The following EN1 variants were observed in gnomAD, a reference collection of about 807,000 sequenced individuals.
EN1 encodes engrailed homeobox 1.
EN1 carries 8 observed loss-of-function variants against 22.9 expected under a neutral mutation model. The observed-to-expected ratio is 0.35, with a 90% CI of 0.20 to 0.63. The LOEUF is 0.63. EN1 is among the 20% of genes least tolerant of loss of function. The pLI is 0.73. For synonymous variants in EN1, 287 were observed against 262.5 expected, an observed-to-expected ratio of 1.09 and a Z score of -0.90; for missense variants, 521 against 572.1, an observed-to-expected ratio of 0.91 and a Z score of 0.91.
chr2:118,842,935 C>G lies in EN1; in HGVS notation c.*3G>C. On this transcript the variant is annotated 3_prime_UTR_variant, in exon 2 of 2. Coordinates refer to ENST00000295206, the MANE Select transcript of EN1 (RefSeq NM_001426.4). ...GCGCGGGCGCGGCCCCGGCCTGTGG[C>G]GGCTACTCGCTCTCGTCTTTGTCCT... 6.3e-7 allele frequency: 1 copy of G among 1,598,622 alleles called. No homozygotes were observed. The highest frequency in any genetic ancestry group is 8.6e-7 in the Non-Finnish European group (1 of 1,168,402).
rs1678206928 is a variant in EN1, at chr2:118,842,543, TAATTATAAC to T, written c.*386_*394del. 6.6e-6 allele frequency: 1 copy of T among 151,992 alleles called. No individual in the cohort carries two copies. The highest frequency in any genetic ancestry group is 1.5e-5 in the Non-Finnish European group (1 of 68,046). 9.4% of individuals were successfully genotyped at this position (151,992 alleles called of 1,614,324 possible). A position where few individuals can be genotyped will look rare whatever the true frequency, so the allele number is the denominator to read the frequency against. On this transcript the variant is annotated 3_prime_UTR_variant, in exon 2 of 2. Transcript: ENST00000295206. ...GATAAAATAATTATAATAATTATAA[TAATTATAAC>T]AATAATAATAAAGGAGATTAATAAA...
rs1246240825 is a variant in EN1, at chr2:118,842,365, A to T, written c.*573T>A. ...GGTGGGGGAGAAGAGGTGGGCAGACACGAAAGGAAACACACTCTCGCACAC... is the reference window on the plus strand; with the variant it reads ...GGTGGGGGAGAAGAGGTGGGCAGACTCGAAAGGAAACACACTCTCGCACAC... On this transcript the variant is annotated 3_prime_UTR_variant, in exon 2 of 2. Transcript: ENST00000295206. 1 of 152,540 alleles carries T rather than the reference A, an allele frequency of 6.6e-6. No homozygotes were observed. 9.4% of individuals were successfully genotyped at this position (152,540 alleles called of 1,614,324 possible). A position where few individuals can be genotyped will look rare whatever the true frequency, so the allele number is the denominator to read the frequency against.
chr2:118,842,908 G>C lies in EN1; in HGVS notation c.*30C>G, dbSNP rs1205095169. 6.3e-7 allele frequency: 1 copy of C among 1,582,756 alleles called. No individual in the cohort carries two copies. ...AGACGACGGCGGCGGTGCCGGGAGG[G>C]GGCGCGGGCGCGGCCCCGGCCTGTG... On this transcript the variant is annotated 3_prime_UTR_variant, in exon 2 of 2. Coordinates refer to ENST00000295206, the MANE Select transcript of EN1 (RefSeq NM_001426.4).
Position 118,846,203 on chromosome 2 carries a change from G to A in EN1, c.862+103C>T, listed in dbSNP as rs1678265204. ...GTGAGGAAGCAGGCGTGAGAGACTGGAGTACCCGAGGCCGGGTTTGCTCTC... is the reference window on the plus strand; with the variant it reads ...GTGAGGAAGCAGGCGTGAGAGACTGAAGTACCCGAGGCCGGGTTTGCTCTC... On this transcript the variant is annotated intron_variant, in intron 1 of 1. Transcript: ENST00000295206. The surrounding 1 kb of genome is among the most constrained non-coding windows in gnomAD (Gnocchi z 5.0). 3 of 1,496,754 alleles carry A rather than the reference G, an allele frequency of 2.0e-6. No individual in the cohort carries two copies. Among genetic ancestry groups the A allele is most frequent in the African/African-American group, 2.8e-5 (2 of 71,368 alleles). 92.7% of individuals were successfully genotyped at this position (1,496,754 alleles called of 1,614,324 possible).
chr2:118,846,847 G>T lies in EN1; in HGVS notation c.321C>A (p.Ile107=). The T allele has an allele frequency of 1.3e-6, 2 of 1,570,398 alleles. No individual in the cohort carries two copies. The highest frequency in any genetic ancestry group is 1.7e-4 in the Middle Eastern group (1 of 5,880). Residue 107 remains isoleucine, a synonymous_variant, in exon 1 of 2, where the codon ATC becomes ATA. Transcript: ENST00000295206. The surrounding 1 kb of genome is among the most constrained non-coding windows in gnomAD (Gnocchi z 5.0). ...CGAAGTCCGGCCTCAGGATGTTGTC[G>T]ATGAAAAAGTTGGTGGTGCGGTGCA... The part of the protein sequence containing the change: ...AQLHRTTNFF[I]DNILRPDFGC...
chr2:118,846,679 C>T lies in EN1; in HGVS notation c.489G>A (p.Ala163=), dbSNP rs79126103. The T allele has an allele frequency of 0.057, 90,260 of 1,580,222 alleles. 3,338 individuals are homozygous for T. Among genetic ancestry groups the T allele is most frequent in the Admixed American group, 0.19 (10,911 of 57,538 alleles). ...RDPVHPLGTR[A]PGAASLLCAP... is the part of the protein sequence containing the mutation. ...CGCACAGGAGCGAGGCAGCGCCTGGCGCCCGGGTGCCCAACGGGTGGACAG... is the reference window on the plus strand; with the variant it reads ...CGCACAGGAGCGAGGCAGCGCCTGGTGCCCGGGTGCCCAACGGGTGGACAG... The change falls in exon 1 of 2, where the codon GCG becomes GCA. Residue 163 remains alanine, a synonymous_variant. Coordinates refer to ENST00000295206, the MANE Select transcript of EN1 (RefSeq NM_001426.4). This position sits in a 1 kb window ranked among gnomAD's most constrained non-coding sequence, Gnocchi z 5.0.
In EN1 at chr2:118,846,909, C is replaced by G. The variant is rs893960038; in HGVS notation, c.259G>C (p.Ala87Pro). 7.7e-6 allele frequency: 11 copies of G among 1,431,830 alleles called. No homozygotes were observed. The highest frequency in any genetic ancestry group is 1.0e-5 in the Non-Finnish European group (11 of 1,082,008). 88.7% of individuals were successfully genotyped at this position (1,431,830 alleles called of 1,614,324 possible). A position where few individuals can be genotyped will look rare whatever the true frequency, so the allele number is the denominator to read the frequency against. Residue 87 changes from alanine (A) to proline (P), a missense_variant, in exon 1 of 2, where the codon GCG becomes CCG. Around this residue, in one of 3 missense-constraint regions of EN1, gnomAD observed 436 missense variants for 410.1 expected, o/e 1.06. Transcript: ENST00000295206. This position sits in a 1 kb window ranked among gnomAD's most constrained non-coding sequence, Gnocchi z 5.0. ...HPPPPPPQHL[A>P]APAHQPQPAA... ...GGCTGCGGCTGGTGAGCAGGCGCCG[C>G]GAGATGCTGAGGCGGCGGGGGCGGG...
Position 118,847,130 on chromosome 2 carries a change from T to A in EN1, c.38A>T (p.Asp13Val). The change falls in exon 1 of 2, where the codon GAC becomes GTC. Residue 13 changes from aspartate to valine, a missense_variant. By Grantham distance (152) the Asp-to-Val change is radical. Transcript: ENST00000295206. ...CGCCGCCGCCGCGCCGAGGGCCGAG[T>A]CGCGCTGACTTTTAGGTTCCGGCTG... ...EQQPEPKSQR[D>V]SALGAAAAAT... is the part of the protein sequence containing the mutation. The A allele has an allele frequency of 1.5e-6, 2 of 1,306,688 alleles. No individual in the cohort carries two copies. Among genetic ancestry groups the A allele is most frequent in the Non-Finnish European group, 2.0e-6 (2 of 984,002 alleles). 80.9% of individuals were successfully genotyped at this position (1,306,688 alleles called of 1,614,324 possible).
Position 118,846,572 on chromosome 2 carries a change from G to A in EN1, c.596C>T (p.Ala199Val). The change falls in exon 1 of 2, where the codon GCT (alanine) becomes GTT (valine). Residue 199 changes from alanine to valine, a missense_variant. Physicochemically the swap from Ala to Val is moderately conservative, Grantham distance 64. Transcript: ENST00000295206. This position sits in a 1 kb window ranked among gnomAD's most constrained non-coding sequence, Gnocchi z 5.0. Reference protein sequence around the residue: ...GAGASKAGNPAAAAAAAAAAV... With the variant: ...GAGASKAGNPVAAAAAAAAAV... Reference sequence around the variant, plus strand: ...CGCCGCGGCCGCCGCCGCCGCCGCAGCCGGGTTCCCAGCTTTAGACGCGCC... The same window carrying A: ...CGCCGCGGCCGCCGCCGCCGCCGCAACCGGGTTCCCAGCTTTAGACGCGCC... The A allele has an allele frequency of 8.2e-7, 1 of 1,225,588 alleles. No individual in the cohort carries two copies. The highest frequency in any genetic ancestry group is 1.0e-6 in the Non-Finnish European group (1 of 986,060). 75.9% of individuals were successfully genotyped at this position (1,225,588 alleles called of 1,614,324 possible).
rs1376732425 is a variant in EN1, at chr2:118,842,227, C to A, written c.*711G>T. 1 of 152,696 alleles carries A rather than the reference C, an allele frequency of 6.5e-6. No individual in the cohort carries two copies. Among genetic ancestry groups the A allele is most frequent in the African/African-American group, 2.4e-5 (1 of 41,474 alleles). 9.5% of individuals were successfully genotyped at this position (152,696 alleles called of 1,614,324 possible). On this transcript the variant is annotated 3_prime_UTR_variant, in exon 2 of 2. Transcript: ENST00000295206. ...TACAGGTTTCTGAACATAATAAAAT[C>A]TTTGGCTTGTAGCGGCGGTTCAGTC...
In EN1 at chr2:118,842,847, T is replaced by G; in HGVS notation, c.*91A>C. 1.3e-6 allele frequency: 2 copies of G among 1,484,648 alleles called. No individual in the cohort carries two copies. The highest frequency in any genetic ancestry group is 1.8e-6 in the Non-Finnish European group (2 of 1,118,148). 92.0% of individuals were successfully genotyped at this position (1,484,648 alleles called of 1,614,324 possible). A position where few individuals can be genotyped will look rare whatever the true frequency, so the allele number is the denominator to read the frequency against. ...CTTTTCCCTGCGCTCCCTCCCTCCT[T>G]GGAGCAGATGCTTTCTCCCCCAGCG... On this transcript the variant is annotated 3_prime_UTR_variant, in exon 2 of 2. Transcript: ENST00000295206.
At position 118,847,196 on chromosome 2, in the gene EN1, G is replaced by A; in HGVS notation, c.-29C>T. 5.8e-6 allele frequency: 4 copies of A among 695,080 alleles called. No homozygotes were observed. Among genetic ancestry groups the A allele is most frequent in the Non-Finnish European group, 8.4e-6 (4 of 475,946 alleles). 43.1% of individuals were successfully genotyped at this position (695,080 alleles called of 1,614,324 possible). On this transcript the variant is annotated 5_prime_UTR_variant, in exon 1 of 2. Transcript: ENST00000295206. Reference sequence around the variant, plus strand: ...CGGCCGCCCCGCCGCCCCGGCCGCCGCGCCGGCCCCCGCCCCCACCGCCTC... The same window carrying A: ...CGGCCGCCCCGCCGCCCCGGCCGCCACGCCGGCCCCCGCCCCCACCGCCTC...
chr2:118,842,682 C>T lies in EN1; in HGVS notation c.*256G>A. 1 of 553,188 alleles carries T rather than the reference C, an allele frequency of 1.8e-6. No individual in the cohort carries two copies. The highest frequency in any genetic ancestry group is 2.9e-6 in the Non-Finnish European group (1 of 339,812). The allele number at this position is 553,188 out of a possible 1,614,324, so 34.3% of individuals were successfully genotyped here. On this transcript the variant is annotated 3_prime_UTR_variant, in exon 2 of 2. Coordinates refer to ENST00000295206, the MANE Select transcript of EN1 (RefSeq NM_001426.4). ...TGGCTAGATAGAGCTTTAAGGAGTT[C>T]GCAGTTTCGTCCCTTATACTGGGAA...
chr2:118,843,003 G>A lies in EN1; in HGVS notation c.1114C>T (p.Leu372Phe). 6.2e-7 allele frequency: 1 copy of A among 1,614,176 alleles called. No individual in the cohort carries two copies. The highest frequency in any genetic ancestry group is 8.5e-7 in the Non-Finnish European group (1 of 1,180,038). The stretch of plus-strand genomic sequence containing the variant: ...TGGTTGTACAGTCCCTGGGCCATGA[G>A]GTGCAGCGCCAGGCCGTTCTTGATG... ...TGIKNGLALH[L>F]MAQGLYNHST... Residue 372 changes from leucine to phenylalanine, a missense_variant, in exon 2 of 2, where the codon CTC becomes TTC. Leu to Phe is a conservative substitution (Grantham distance 22). This residue lies in a region of EN1 where 35 missense variants were observed against 40.2 expected (regional missense o/e 0.87). Transcript: ENST00000295206.
At position 118,842,730 on chromosome 2, in the gene EN1, G is replaced by T; in HGVS notation, c.*208C>A. 2.3e-6 allele frequency: 2 copies of T among 881,478 alleles called. No homozygotes were observed. The highest frequency in any genetic ancestry group is 3.3e-6 in the Non-Finnish European group (2 of 609,546). 54.6% of individuals were successfully genotyped at this position (881,478 alleles called of 1,614,324 possible). On this transcript the variant is annotated 3_prime_UTR_variant, in exon 2 of 2. Coordinates refer to ENST00000295206, the MANE Select transcript of EN1 (RefSeq NM_001426.4). ...GAATAGAGAATGGATCTTATTTTTC[G>T]ATAGCACCTGTCCGAGTCTTTCTCC...
rs1335442750 is a variant in EN1, at chr2:118,846,733, G to C, written c.435C>G (p.Asp145Glu). The C allele has an allele frequency of 6.3e-7, 1 of 1,594,260 alleles. No individual in the cohort carries two copies. The highest frequency in any genetic ancestry group is 1.7e-5 in the Admixed American group (1 of 59,248). Residue 145 changes from aspartate to glutamate, a missense_variant, in exon 1 of 2, where the codon GAC becomes GAG. Coordinates refer to ENST00000295206, the MANE Select transcript of EN1 (RefSeq NM_001426.4). The surrounding 1 kb of genome is among the most constrained non-coding windows in gnomAD (Gnocchi z 5.0). The part of the protein sequence containing the change: ...GAGGGGRVER[D>E]RGQTAAGRDP... ...CTCTACCTGCGGCAGTCTGGCCTCTGTCACGCTCGACCCGGCCTCCTCCTC... is the reference window on the plus strand; with the variant it reads ...CTCTACCTGCGGCAGTCTGGCCTCTCTCACGCTCGACCCGGCCTCCTCCTC...
At position 118,847,381 on chromosome 2, in the gene EN1, C is replaced by T. The variant is rs1678297759; in HGVS notation, c.-214G>A. ...CAGATAGATCTCGCTGTCTCTCCCTCTCTAATTTGTAGACATCCAGATATG... is the reference window on the plus strand; with the variant it reads ...CAGATAGATCTCGCTGTCTCTCCCTTTCTAATTTGTAGACATCCAGATATG... On this transcript the variant is annotated 5_prime_UTR_variant, in exon 1 of 2. Coordinates refer to ENST00000295206, the MANE Select transcript of EN1 (RefSeq NM_001426.4). 5.6e-6 allele frequency: 2 copies of T among 357,282 alleles called. No homozygotes were observed. The allele number at this position is 357,282 out of a possible 1,614,324, so 22.1% of individuals were successfully genotyped here.
At position 118,846,595 on chromosome 2, in the gene EN1, G is replaced by A; in HGVS notation, c.573C>T (p.Gly191=). 1 of 1,384,156 alleles carries A rather than the reference G, an allele frequency of 7.2e-7. No individual in the cohort carries two copies. The highest frequency in any genetic ancestry group is 1.6e-5 in the South Asian group (1 of 62,314). The allele number at this position is 1,384,156 out of a possible 1,614,324, so 85.7% of individuals were successfully genotyped here. A position where few individuals can be genotyped will look rare whatever the true frequency, so the allele number is the denominator to read the frequency against. The change falls in exon 1 of 2, where the codon GGC becomes GGT. Residue 191 remains glycine (G), a synonymous_variant. Transcript: ENST00000295206. This position sits in a 1 kb window ranked among gnomAD's most constrained non-coding sequence, Gnocchi z 5.0. Reference sequence around the variant, plus strand: ...CAGCCGGGTTCCCAGCTTTAGACGCGCCCGCGCCGGCGGCGGCTGGCTGGG... The same window carrying A: ...CAGCCGGGTTCCCAGCTTTAGACGCACCCGCGCCGGCGGCGGCTGGCTGGG... ...DGSQPAAAGA[G]ASKAGNPAAA...
In EN1 at chr2:118,847,278, C is replaced by A; in HGVS notation, c.-111G>T. The A allele has an allele frequency of 2.4e-6, 1 of 419,496 alleles. No individual in the cohort carries two copies. Among genetic ancestry groups the A allele is most frequent in the Admixed American group, 4.6e-5 (1 of 21,668 alleles). The allele number at this position is 419,496 out of a possible 1,614,324, so 26.0% of individuals were successfully genotyped here. ...GGGGTGCGCGGAGGAAGGAGGCAGG[C>A]GAAGCCTCAGCGAAGGCACGGGGCG... On this transcript the variant is annotated 5_prime_UTR_variant, in exon 1 of 2. Transcript: ENST00000295206.
Sources: gnomAD v4.1 joint callset for allele counts on GRCh38, gnomAD v4.1.1 for gene constraint, gnomAD v4.1.1 regional missense constraint, Gnocchi (gnomAD v3.1) non-coding constraint, MANE v1.5 for transcripts, NCBI Gene and HGNC (gene_info 2026-07-23, HGNC 2026-07-21) for gene names.